MUC4: variants seen among roughly 807,000 people sequenced by gnomAD.
MUC4 encodes the protein mucin 4, cell surface associated, also known as mucin-4.
A neutral mutation model predicts 257.9 loss-of-function variants in MUC4; 202 were observed. That is an observed-to-expected ratio of 0.78 (90% CI 0.70 to 0.88). The LOEUF (loss-of-function observed/expected upper bound fraction) is 0.88, where lower values mean the gene tolerates loss of function less well. Among genes scored for constraint, MUC4 ranks in the 40% least tolerant of loss-of-function variants. MUC4 has a pLI of 0.00. For missense variants in MUC4, 5,976 were observed against 6,513.7 expected, an observed-to-expected ratio of 0.92 and a Z score of 2.84; for synonymous variants, 2,351 against 2,757.1, an observed-to-expected ratio of 0.85 and a Z score of 4.62.
Position 195,788,598 on chromosome 3 carries a change from A to C in MUC4, c.2982T>G (p.His994Gln). 6.3e-7 allele frequency: 1 copy of C among 1,580,352 alleles called. No individual in the cohort carries two copies. The highest frequency in any genetic ancestry group is 8.6e-7 in the Non-Finnish European group (1 of 1,162,254). ...TGGATACTGAGGAAGCATCGGTGAC[A>C]TGAAGAGGGGTGGTGTGACCTGTGG... ...SASTGHTTPLHVTDASSVSTG... is the reference protein window; with the variant it reads ...SASTGHTTPLQVTDASSVSTG... Residue 994 changes from histidine to glutamine, a missense_variant, in exon 2 of 25, where the codon CAT becomes CAG. Transcript: ENST00000463781.
At position 195,810,840 on chromosome 3, in the gene MUC4, G is replaced by A. The variant is rs776264860; in HGVS notation, c.82+896C>T. On this transcript the variant is annotated intron_variant, in intron 1 of 24. Transcript: ENST00000463781. This position sits in a 1 kb window ranked among gnomAD's most constrained non-coding sequence, Gnocchi z 4.2. ...TGCAGCTTTACATGAGTTTTCTTCC[G>A]TCTCCATCACCCAGCTTTCCTGGCA... Among the ~76,000 whole-genome samples, 5 of 151,814 alleles carry A rather than the reference G, an allele frequency of 3.3e-5. No individual in the cohort carries two copies. The highest frequency in any genetic ancestry group is 7.3e-5 in the African/African-American group (3 of 41,300).
At position 195,789,106 on chromosome 3, in the gene MUC4, C is replaced by G. The variant is rs184297494; in HGVS notation, c.2474G>C (p.Gly825Ala). The G allele has an allele frequency of 6.2e-7, 1 of 1,613,574 alleles. No individual in the cohort carries two copies. The highest frequency in any genetic ancestry group is 2.2e-5 in the East Asian group (1 of 44,870). ...PSGSEGISTS[G>A]ETTRFSSNPS... ...GTTTGATGAAAACCTTGTCGTCTCT[C>G]CTGAGGTGGATATTCCTTCGCTTCC... Residue 825 changes from glycine to alanine, a missense_variant, in exon 2 of 25, where the codon GGA becomes GCA. Physicochemically the swap from Gly to Ala is moderately conservative, Grantham distance 60 (BLOSUM62 0). Around this residue, in one of 44 missense-constraint regions of MUC4, gnomAD observed 1,583 missense variants for 1,257.4 expected, o/e 1.26. Transcript: ENST00000463781.
chr3:195,773,148 G>A (rs1188717551), intron 4 of MUC4, among the ~76,000 whole-genome samples: 1 of 151,048 alleles, frequency 6.6e-6, no homozygotes, highest in Non-Finnish European at 1.5e-5. Context: ...ATCGCTCAGG[G>A]GTGTAGACAC....
intron 4 of MUC4, 84 bp downstream of exon 4, chr3:195,774,088 C>T (rs1268351965): frequency 2.2e-5 from 31 of 1,435,232 alleles, no homozygotes; most frequent in East Asian, 1.1e-4. Flanking sequence ...CTTCCATTCC[C>T]GCTTCCTCTG....
At position 195,783,769 on chromosome 3, in the gene MUC4, C is replaced by T. The variant is rs1168412199; in HGVS notation, c.7811G>A (p.Gly2604Asp). The T allele has an allele frequency of 6.9e-7, 1 of 1,440,454 alleles. No individual in the cohort carries two copies. The highest frequency in any genetic ancestry group is 9.2e-7 in the Non-Finnish European group (1 of 1,082,828). The allele number at this position is 1,440,454 out of a possible 1,614,324, so 89.2% of individuals were successfully genotyped here. A position where few individuals can be genotyped will look rare whatever the true frequency, so the allele number is the denominator to read the frequency against. The change falls in exon 2 of 25, where the codon GGT (glycine) becomes GAT (aspartate). Residue 2604 changes from glycine to aspartate, a missense_variant. By Grantham distance (94) the Gly-to-Asp change is moderately conservative. Around this residue, in one of 44 missense-constraint regions of MUC4, gnomAD observed 11 missense variants for 41.8 expected, o/e 0.26. Coordinates refer to ENST00000463781, the MANE Select transcript of MUC4 (RefSeq NM_018406.7). ...GGTGACAGGAAGAGGGGTGGCCTGA[C>T]CTGTGGATGCTGAGTAAGTGTCGGT... Reference protein sequence around the residue: ...PVTDTYSASTGQATPLPVTSL... With the variant: ...PVTDTYSASTDQATPLPVTSL...
In MUC4 at chr3:195,757,276, C is replaced by T. The variant is rs543770287; in HGVS notation, c.15039G>A (p.Glu5013=). The change falls in exon 18 of 25, where the codon GAG becomes GAA. Residue 5013 remains glutamate (E), a synonymous_variant. Transcript: ENST00000463781. This position sits in a 1 kb window ranked among gnomAD's most constrained non-coding sequence, Gnocchi z 4.8. Reference sequence around the variant, plus strand: ...CAATCTTGGCACTTCTTGCTAGAATCTCCAGAGTGAATGGCTCCAGCGACT... The same window carrying T: ...CAATCTTGGCACTTCTTGCTAGAATTTCCAGAGTGAATGGCTCCAGCGACT... ...TPKSLEPFTL[E]ILARSAKIGL... 6.2e-7 allele frequency: 1 copy of T among 1,612,652 alleles called. No homozygotes were observed. The highest frequency in any genetic ancestry group is 2.2e-5 in the East Asian group (1 of 44,834).
intron 1 of MUC4, among the ~76,000 whole-genome samples, chr3:195,793,049 G>C (rs1354762000): frequency 6.6e-6 from 1 of 152,010 alleles, no homozygotes; most frequent in Non-Finnish European, 1.5e-5. Context: ...GGGTTGATAG[G>C]TGCAGTAAAC....
chr3:195,747,663 G>A (rs1364824485), intron 24 of MUC4, among the ~76,000 whole-genome samples: 1 of 152,276 alleles, frequency 6.6e-6, no homozygotes, highest in African/African-American at 2.4e-5. Flanking sequence ...TCAGGGGTTC[G>A]AGACCAGACT....
chr3:195,779,002 A>G lies in MUC4; in HGVS notation c.12578T>C (p.Leu4193Pro), dbSNP rs1725813270. ...TGCTGAGGAAGTGTCGGTGACAGGA[A>G]GAGGGGTGGTGTCACCTGTGGATGC... is the stretch of plus-strand genomic sequence containing the variant. ...SSASTGDTTP[L>P]PVTDTSSAST... is the part of the protein sequence containing the mutation. The change falls in exon 2 of 25, where the codon CTT (leucine) becomes CCT (proline). Residue 4193 changes from leucine (L) to proline (P), a missense_variant. Around this residue, in one of 44 missense-constraint regions of MUC4, gnomAD observed 22 missense variants for 64.1 expected, o/e 0.34. Transcript: ENST00000463781. 1 of 1,374,246 alleles carries G rather than the reference A, an allele frequency of 7.3e-7. No homozygotes were observed. Among genetic ancestry groups the G allele is most frequent in the Non-Finnish European group, 9.6e-7 (1 of 1,043,744 alleles). 85.1% of individuals were successfully genotyped at this position (1,374,246 alleles called of 1,614,324 possible). A position where few individuals can be genotyped will look rare whatever the true frequency, so the allele number is the denominator to read the frequency against.
intron 1 of MUC4, among the ~76,000 whole-genome samples, chr3:195,811,270 T>C (rs1736703954): frequency 6.6e-6 from 1 of 151,858 alleles, no homozygotes; most frequent in Non-Finnish European, 1.5e-5. Flanking sequence ...ACCTCCCAGG[T>C]TCAAGTGATT....
Position 195,751,289 on chromosome 3 carries a change from AG to A in MUC4, c.15583-19del. 6.3e-7 allele frequency: 1 copy of A among 1,592,782 alleles called. No individual in the cohort carries two copies. Among genetic ancestry groups the A allele is most frequent in the Non-Finnish European group, 8.6e-7 (1 of 1,168,774 alleles). ...TATGCCACCTAGGTTAGAGGATGGC[AG>A]ATGGGGGTGGGGGTGAGGCCCCATC... On this transcript the variant is annotated intron_variant, in intron 21 of 24. Coordinates refer to ENST00000463781, the MANE Select transcript of MUC4 (RefSeq NM_018406.7).
Position 195,789,207 on chromosome 3 carries a change from G to A in MUC4, c.2373C>T (p.Ala791=), listed in dbSNP as rs773659222. The A allele has an allele frequency of 1.2e-6, 2 of 1,613,880 alleles. No homozygotes were observed. Among genetic ancestry groups the A allele is most frequent in the Non-Finnish European group, 1.7e-6 (2 of 1,179,850 alleles). ...ASGQTQTSEP[A]SSGSRTTSAG... is the part of the protein sequence containing the mutation. ...CTGAGGTGGTTCGTGACCCTGAGGAGGCCGGTTCGCTGGTCTGTGTTTGTC... is the reference window on the plus strand; with the variant it reads ...CTGAGGTGGTTCGTGACCCTGAGGAAGCCGGTTCGCTGGTCTGTGTTTGTC... Residue 791 remains alanine (A), a synonymous_variant, in exon 2 of 25, where the codon GCC becomes GCT. Coordinates refer to ENST00000463781, the MANE Select transcript of MUC4 (RefSeq NM_018406.7).
intron 1 of MUC4, among the ~76,000 whole-genome samples, chr3:195,807,250 C>T (rs899581926): frequency 2.0e-5 from 3 of 152,174 alleles, no homozygotes; most frequent in Non-Finnish European, 4.4e-5. Context: ...GAGCGGATCA[C>T]CTGAGGTCAG....
intron 16 of MUC4, among the ~76,000 whole-genome samples, chr3:195,759,933 A>ACGCACGCACGCACACACACACACACG (rs1553855231): frequency 1.1e-3 from 125 of 116,240 alleles, no homozygotes; most frequent in Admixed American, 3.2e-4. Context: ...ACACACACAC[A>ACGCACGCACGCACACACACACACACG]CGCACAAAAC....
At position 195,765,032 on chromosome 3, in the gene MUC4, C is replaced by G; in HGVS notation, c.13889G>C (p.Arg4630Pro). ...CCSYGPWGEF[R>P]EGWHVQRPWQ... ...AGGACGCTGCACGTGCCAGCCTTCACGAAACTCTCCCCAGGGCCCGTAGCT... is the reference window on the plus strand; with the variant it reads ...AGGACGCTGCACGTGCCAGCCTTCAGGAAACTCTCCCCAGGGCCCGTAGCT... The change falls in exon 10 of 25, where the codon CGT becomes CCT. Residue 4630 changes from arginine (R) to proline (P), a missense_variant. Around this residue, in one of 44 missense-constraint regions of MUC4, gnomAD observed 996 missense variants for 1,137.3 expected, o/e 0.88. Coordinates refer to ENST00000463781, the MANE Select transcript of MUC4 (RefSeq NM_018406.7). 6.2e-7 allele frequency: 1 copy of G among 1,613,916 alleles called. No individual in the cohort carries two copies. The highest frequency in any genetic ancestry group is 8.5e-7 in the Non-Finnish European group (1 of 1,180,012).
In MUC4 at chr3:195,790,275, T is replaced by A. The variant is rs752832656; in HGVS notation, c.1305A>T (p.Ser435=). Residue 435 remains serine (S), a synonymous_variant, in exon 2 of 25, where the codon TCA becomes TCT. Transcript: ENST00000463781. The stretch of plus-strand genomic sequence containing the variant: ...GTAGAGAACTGGGGGAGAGTGCTGT[T>A]GACAGAGTGTCTGACCACCATATGG... The part of the protein sequence containing the change: ...VSTIWWSDTL[S]TALSPSSLPP... 3.1e-6 allele frequency: 5 copies of A among 1,614,014 alleles called. No homozygotes were observed. The Admixed American group carries it at 8.3e-5, about 27-fold the overall frequency.
chr3:195,779,624 G>GCAC lies in MUC4; in HGVS notation c.11955_11956insGTG (p.Leu3985_Pro3986insVal). On this transcript the variant is annotated inframe_insertion, in exon 2 of 25. Coordinates refer to ENST00000463781, the MANE Select transcript of MUC4 (RefSeq NM_018406.7). Reference sequence around the variant, plus strand: ...GATACTGAGGAAGTGTCGGTGACAGGAAGGGGGGTGGCGTGACCTGTGGAT... The same window carrying GCAC: ...GATACTGAGGAAGTGTCGGTGACAGGCACAAGGGGGGTGGCGTGACCTGTGGAT... 4 of 1,083,874 alleles carry GCAC rather than the reference G, an allele frequency of 3.7e-6. No individual in the cohort carries two copies. The highest frequency in any genetic ancestry group is 4.6e-5 in the African/African-American group (2 of 43,542). 67.1% of individuals were successfully genotyped at this position (1,083,874 alleles called of 1,614,324 possible).
chr3:195,806,799 G>GC (rs1736045799), intron 1 of MUC4, among the ~76,000 whole-genome samples: 1 of 152,218 alleles, frequency 6.6e-6, no homozygotes, highest in Non-Finnish European at 1.5e-5. Flanking sequence ...ACTTAACTTA[G>GC]AGAGCTTTGA....
At chr3:195,802,975 C>A (rs939141083) in intron 1 of MUC4, among the ~76,000 whole-genome samples, 1 of 152,104 alleles carries the variant, frequency 6.6e-6, no homozygotes, top group African/African-American at 2.4e-5. Context: ...ACACTCCCTC[C>A]CTCTTCTCAC....
Sources: gnomAD v4.1 joint callset for allele counts (sites outside exome capture counted in the v4.1 genomes callset) on GRCh38, gnomAD v4.1.1 for gene constraint, gnomAD v4.1.1 regional missense constraint, Gnocchi (gnomAD v3.1) non-coding constraint, MANE v1.5 for transcripts, NCBI Gene and HGNC (gene_info 2026-07-23, HGNC 2026-07-21) for gene names.